The following AGMO variants were observed in gnomAD, a reference collection of about 807,000 sequenced individuals.
AGMO encodes the protein glyceryl-ether monooxygenase.
Under a neutral mutation model 60.2 loss-of-function variants are expected in AGMO, and 75 were observed. The observed-to-expected ratio is 1.25, with a 90% CI of 1.03 to 1.51. AGMO has a LOEUF of 1.51. AGMO is among the 40% of genes most tolerant of loss of function. AGMO has a pLI of 0.00. For synonymous variants in AGMO, 261 were observed against 177.1 expected (o/e 1.47, Z -3.76); for missense variants, 763 against 525.5 (o/e 1.45, Z -4.42).
intron 12 of AGMO, among the ~76,000 whole-genome samples, chr7:15,292,145 T>C (rs971965864): frequency 5.9e-5 from 9 of 152,134 alleles, no homozygotes; most frequent in African/African-American, 1.7e-4. Flanking sequence ...GAAGCTGTAA[T>C]ATGCTGTGCA....
chr7:15,250,128 T>C (rs1782887877), intron 12 of AGMO, among the ~76,000 whole-genome samples: 1 of 152,186 alleles, frequency 6.6e-6, no homozygotes, highest in South Asian at 2.1e-4. Context: ...TGTAAAATGA[T>C]TAGCTAAAAC....
chr7:15,198,105 A>G (rs541643367), downstream of AGMO, among the ~76,000 whole-genome samples: 2 of 152,220 alleles, frequency 1.3e-5, no homozygotes, highest in South Asian at 4.1e-4. Flanking sequence ...GATTAGGAAA[A>G]GTAAATATCT....
At chr7:15,135,979 C>CTTTTTTTTTTTTTTTT in the AGMO span, among the ~76,000 whole-genome samples, 7 of 106,856 alleles carry the variant, frequency 6.6e-5, no homozygotes, top group Admixed American at 1.2e-4. Context: ...TTTTTCTTTT[C>CTTTTTTTTTTTTTTTT]TTTTTTTTTT....
intron 3 of AGMO, among the ~76,000 whole-genome samples, chr7:15,472,082 G>T (rs1465034502): frequency 6.6e-6 from 1 of 151,784 alleles, no homozygotes; most frequent in African/African-American, 2.4e-5. Flanking sequence ...CGTTTTGAAA[G>T]GTGTATTAAA....
the AGMO span, among the ~76,000 whole-genome samples, chr7:15,146,155 A>G: frequency 2.0e-5 from 3 of 152,290 alleles, no homozygotes; most frequent in East Asian, 5.8e-4. Context: ...TTAATTCTAT[A>G]CACCTTTATA....
intron 12 of AGMO, among the ~76,000 whole-genome samples, chr7:15,316,774 A>G (rs577657266): frequency 4.6e-4 from 70 of 152,366 alleles, no homozygotes; most frequent in African/African-American, 1.7e-3. Context: ...GTTACAAAGT[A>G]TATTTCAGTG....
intron 12 of AGMO, among the ~76,000 whole-genome samples, chr7:15,204,317 C>G (rs990399348): frequency 2.6e-5 from 4 of 152,054 alleles, no homozygotes; most frequent in African/African-American, 7.2e-5. Flanking sequence ...TTGTATTACG[C>G]CATTTATTTT....
chr7:15,145,495 A>G, the AGMO span, among the ~76,000 whole-genome samples: 1 of 152,164 alleles, frequency 6.6e-6, no homozygotes. Context: ...TATATGTTCA[A>G]AGTAAATAAC....
At position 15,344,185 on chromosome 7, in the gene AGMO, C is replaced by T. The variant is rs1490377491; in HGVS notation, c.1263+21329G>A. 3.9e-5 allele frequency among the ~76,000 whole-genome samples: 6 copies of T among 152,034 alleles called. No individual in the cohort carries two copies. The East Asian group carries it at 9.6e-4, about 24-fold the overall frequency. ...TGAAGCATCTAAACAATGTATGGCA[C>T]ATAGAAGGCACTCAACAATATTTGT... On this transcript the variant is annotated intron_variant, in intron 12 of 12. Coordinates refer to ENST00000342526, the MANE Select transcript of AGMO (RefSeq NM_001004320.2).
chr7:15,225,951 C>T (rs1278272679), intron 12 of AGMO, among the ~76,000 whole-genome samples: 1 of 151,884 alleles, frequency 6.6e-6, no homozygotes, highest in Non-Finnish European at 1.5e-5. Flanking sequence ...ACACACAGTA[C>T]ATTTTAAAAT....
intron 12 of AGMO, among the ~76,000 whole-genome samples, chr7:15,350,806 T>C (rs1782211505): frequency 1.3e-5 from 2 of 152,184 alleles, no homozygotes; most frequent in Non-Finnish European, 2.9e-5. Context: ...TTCATTATTT[T>C]ATCTTAATAA....
chr7:15,259,963 T>C (rs1783219329), intron 12 of AGMO, among the ~76,000 whole-genome samples: 2 of 111,676 alleles, frequency 1.8e-5, no homozygotes, highest in South Asian at 5.4e-4. Flanking sequence ...AAATACAAGG[T>C]TCAAGATAGA....
At chr7:15,250,237 T>C (rs991924858) in intron 12 of AGMO, among the ~76,000 whole-genome samples, 1 of 152,158 alleles carries the variant, frequency 6.6e-6, no homozygotes, top group African/African-American at 2.4e-5. Flanking sequence ...AATGATAAAA[T>C]TGGTTATCAA....
chr7:15,400,448 TGAA>T (rs143950688), intron 5 of AGMO, among the ~76,000 whole-genome samples: 2,883 of 152,274 alleles, frequency 0.019, 88 homozygotes, highest in African/African-American at 0.067. Flanking sequence ...GTGCTGAAGT[TGAA>T]GAATTCTACT....
At position 15,390,707 on chromosome 7, in the gene AGMO, T is replaced by C. The variant is rs756927201; in HGVS notation, c.786A>G (p.Thr262=). The C allele has an allele frequency of 6.2e-7, 1 of 1,611,152 alleles. No individual in the cohort carries two copies. The highest frequency in any genetic ancestry group is 1.3e-5 in the African/African-American group (1 of 74,886). ...AENEKVVYGL[T]HPINTFEPIK... ...TTGGTTCAAATGTATTAATGGGATG[T>C]GTTAAGCCATATACAACTTTTTCAT... is the stretch of plus-strand genomic sequence containing the variant. The change falls in exon 8 of 13, where the codon ACA becomes ACG. Residue 262 remains threonine, a synonymous_variant. Transcript: ENST00000342526.
At chr7:15,378,748 G>A (rs919710475) in intron 10 of AGMO, among the ~76,000 whole-genome samples, 1 of 151,584 alleles carries the variant, frequency 6.6e-6, no homozygotes, top group African/African-American at 2.4e-5. Flanking sequence ...AAATTCTATA[G>A]TGCCTTTCTA....
At chr7:15,164,139 G>A in the AGMO span, among the ~76,000 whole-genome samples, 2 of 151,980 alleles carry the variant, frequency 1.3e-5, no homozygotes, top group Non-Finnish European at 2.9e-5. Context: ...CGAAAATATA[G>A]AATGGGGAAA....
At chr7:15,480,367 T>C (rs559217482) in intron 3 of AGMO, among the ~76,000 whole-genome samples, 3 of 152,228 alleles carry the variant, frequency 2.0e-5, no homozygotes, top group Admixed American at 2.0e-4. Flanking sequence ...ACTTCTACAG[T>C]TTGCAATGAA....
chr7:15,131,560 G>T, the AGMO span, among the ~76,000 whole-genome samples: 4 of 152,068 alleles, frequency 2.6e-5, no homozygotes, highest in African/African-American at 9.7e-5. Flanking sequence ...TACATAAATT[G>T]TTTGACTACT....
Sources: allele counts gnomAD v4.1 joint callset (sites outside exome capture counted in the v4.1 genomes callset), GRCh38; gene constraint gnomAD v4.1.1; transcripts MANE v1.5; gene names NCBI Gene and HGNC (gene_info 2026-07-23, HGNC 2026-07-21).